Variants in ZCCHC2 observed in about 807,000 individuals in gnomAD.
The protein encoded by ZCCHC2 is zinc finger CCHC domain-containing protein 2.
A neutral mutation model predicts 103.6 loss-of-function variants in ZCCHC2; 39 were observed. The ratio of observed to expected loss-of-function variants is 0.38; its 90% CI spans 0.29 to 0.49. ZCCHC2 has a LOEUF of 0.49. Ranked by LOEUF, ZCCHC2 falls within the 20% of genes least tolerant of loss-of-function variation. The pLI, the probability that ZCCHC2 is intolerant of heterozygous loss-of-function variation, is 0.96. For missense variants in ZCCHC2, 1,483 were observed against 1,491.0 expected (o/e 0.99, Z 0.09); for synonymous variants, 687 against 608.9 (o/e 1.13, Z -1.89).
chr18:62,560,503 T>A (rs1916069068), intron 7 of ZCCHC2, 84 bp from the exon 8 acceptor site: 1 of 1,092,360 alleles, frequency 9.2e-7, no homozygotes, highest in Admixed American at 1.9e-5. Context: ...CACCAGTGGT[T>A]ATGATCATAC....
At position 62,574,514 on chromosome 18, in the gene ZCCHC2, A is replaced by C; in HGVS notation, c.2433A>C (p.Thr811=). ...GTAGTACTCCCGCTTTGCATCTTAC[A>C]GTTCAGAGGCTAAAGTTGCCACCAC... is the stretch of plus-strand genomic sequence containing the variant. The part of the protein sequence containing the change: ...PHSSTPALHL[T]VQRLKLPPPQ... Residue 811 remains threonine (T), a synonymous_variant, in exon 13 of 14, where the codon ACA becomes ACC. Transcript: ENST00000269499. The C allele has an allele frequency of 1.9e-6, 3 of 1,613,974 alleles. No individual in the cohort carries two copies. Among genetic ancestry groups the C allele is most frequent in the Non-Finnish European group, 2.5e-6 (3 of 1,179,886 alleles).
chr18:62,531,281 T>C (rs1914660782), intron 1 of ZCCHC2, among the ~76,000 whole-genome samples: 1 of 152,212 alleles, frequency 6.6e-6, no homozygotes, highest in South Asian at 2.1e-4. Context: ...ATCGGGTGTT[T>C]ATGTTACAGG....
At chr18:62,536,397 C>T (rs1390789596) in intron 1 of ZCCHC2, among the ~76,000 whole-genome samples, 3 of 152,202 alleles carry the variant, frequency 2.0e-5, no homozygotes, top group Non-Finnish European at 4.4e-5. Context: ...CCACTTTTCT[C>T]GTGGTCCTGA....
chr18:62,565,151 T>TA, intron 11 of ZCCHC2, 55 bp downstream of exon 11: 1 of 854,380 alleles, frequency 1.2e-6, no homozygotes, highest in Non-Finnish European at 1.9e-6. Context: ...TTCAGCATGA[T>TA]ACTTACTGTA....
chr18:62,565,763 A>G (rs1298699885), intron 11 of ZCCHC2, among the ~76,000 whole-genome samples: 3 of 152,210 alleles, frequency 2.0e-5, no homozygotes, highest in Non-Finnish European at 4.4e-5. Flanking sequence ...CCCCTGACAC[A>G]TTTATGTAGT....
downstream of ZCCHC2, among the ~76,000 whole-genome samples, chr18:62,580,605 C>T (rs77802557): frequency 1.8e-3 from 36 of 19,976 alleles, 3 homozygotes; most frequent in African/African-American, 1.0e-2. Context: ...GGTGTCACAG[C>T]GCTGTGGAAG....
At chr18:62,567,182 C>T (rs1392675824) in intron 11 of ZCCHC2, among the ~76,000 whole-genome samples, 1 of 152,190 alleles carries the variant, frequency 6.6e-6, no homozygotes, top group Non-Finnish European at 1.5e-5. Flanking sequence ...AAAAACCCCT[C>T]TGTGTATTAA....
At chr18:62,566,117 T>C (rs1598960079) in intron 11 of ZCCHC2, among the ~76,000 whole-genome samples, 1 of 152,078 alleles carries the variant, frequency 6.6e-6, no homozygotes, top group Admixed American at 6.6e-5. Context: ...TGGTGGCACA[T>C]GCCTGTAATC....
chr18:62,578,756 T>C (rs183895578), downstream of ZCCHC2, among the ~76,000 whole-genome samples: 35 of 152,300 alleles, frequency 2.3e-4, no homozygotes, highest in Admixed American at 9.1e-4. Context: ...TGCTCCTCAG[T>C]TCTTCCCCCA....
intron 1 of ZCCHC2, among the ~76,000 whole-genome samples, chr18:62,532,722 TTG>T (rs1188221284): frequency 1.3e-5 from 2 of 152,236 alleles, no homozygotes; most frequent in Non-Finnish European, 1.5e-5. Flanking sequence ...CTGTGATTCT[TTG>T]TCTTTTTAAC....
At chr18:62,557,367 A>G (rs1451344235) in intron 6 of ZCCHC2, among the ~76,000 whole-genome samples, 1 of 152,178 alleles carries the variant, frequency 6.6e-6, no homozygotes, top group Non-Finnish European at 1.5e-5. Flanking sequence ...CCTGTATTTA[A>G]AGGGGAAAGA....
At chr18:62,542,626 T>C (rs1241664831) in intron 3 of ZCCHC2, 52 bp downstream of exon 3, 2 of 1,462,932 alleles carry the variant, frequency 1.4e-6, no homozygotes, top group Non-Finnish European at 1.9e-6. Flanking sequence ...TCAATGATCT[T>C]TGGGAAAACT....
intron 7 of ZCCHC2, among the ~76,000 whole-genome samples, chr18:62,559,023 A>G (rs1039318935): frequency 6.6e-6 from 1 of 152,260 alleles, no homozygotes; most frequent in African/African-American, 2.4e-5. Flanking sequence ...ATATGAAAAA[A>G]TAGGTATAAT....
chr18:62,558,849 G>T, intron 7 of ZCCHC2, 79 bp downstream of exon 7: 1 of 908,378 alleles, frequency 1.1e-6, no homozygotes, highest in South Asian at 1.8e-5. Context: ...TGAAGAAACT[G>T]ACATATAGGA....
In ZCCHC2 at chr18:62,576,526, A is replaced by G. The variant is rs1446892224; in HGVS notation, c.3484A>G (p.Arg1162Gly). The G allele has an allele frequency of 6.2e-7, 1 of 1,613,718 alleles. No individual in the cohort carries two copies. Among genetic ancestry groups the G allele is most frequent in the South Asian group, 1.1e-5 (1 of 91,026 alleles). The change falls in exon 14 of 14, where the codon AGA becomes GGA. Residue 1162 changes from arginine (R) to glycine (G), a missense_variant. Arg to Gly is a moderately radical substitution (Grantham distance 125). Around this residue, in one of 3 missense-constraint regions of ZCCHC2, gnomAD observed 884 missense variants for 907.5 expected, o/e 0.97. Coordinates refer to ENST00000269499, the MANE Select transcript of ZCCHC2 (RefSeq NM_017742.6). Reference protein sequence around the residue: ...EANQQGTYRLRYAPPLPPSND... With the variant: ...EANQQGTYRLGYAPPLPPSND... ...TCCCATTTTAGGCACTTACAGACTG[A>G]GATACGCACCTCCCCTCCCCCCTTC...
intron 6 of ZCCHC2, among the ~76,000 whole-genome samples, chr18:62,558,360 A>C (rs1031713129): frequency 2.6e-5 from 4 of 152,232 alleles, no homozygotes; most frequent in Non-Finnish European, 4.4e-5. Context: ...TAAAAAAATG[A>C]AAACTGAATC....
chr18:62,564,719 TTTAG>T (rs1916271713), intron 10 of ZCCHC2, 84 bp downstream of exon 10: 1 of 1,042,842 alleles, frequency 9.6e-7, no homozygotes, highest in Non-Finnish European at 1.4e-6. Context: ...ATAGTATTTT[TTTAG>T]TTAGTTTTCT....
intron 1 of ZCCHC2, among the ~76,000 whole-genome samples, chr18:62,534,267 G>T (rs1000857031): frequency 3.3e-5 from 5 of 150,272 alleles, no homozygotes; most frequent in Admixed American, 3.3e-4. Context: ...CCGTGATTGC[G>T]TTGCTGTGCA....
chr18:62,556,736 C>A (rs1246584451), intron 6 of ZCCHC2, among the ~76,000 whole-genome samples: 1 of 152,196 alleles, frequency 6.6e-6, no homozygotes, highest in Non-Finnish European at 1.5e-5. Context: ...AAGGACAACC[C>A]ATACTAGACA....
Sources: allele counts gnomAD v4.1 joint callset (sites outside exome capture counted in the v4.1 genomes callset), GRCh38; gene constraint gnomAD v4.1.1; regional missense constraint gnomAD v4.1.1; transcripts MANE v1.5; gene names NCBI Gene and HGNC (gene_info 2026-07-23, HGNC 2026-07-21).